Variants in VDAC3 observed in about 807,000 individuals in gnomAD.
VDAC3 encodes the protein voltage dependent anion channel 3, also known as non-selective voltage-gated ion channel VDAC3.
In VDAC3, 7 loss-of-function variants were observed where a neutral mutation model predicts 33.9. The observed-to-expected ratio is 0.21, with a 90% CI of 0.12 to 0.39. The LOEUF (loss-of-function observed/expected upper bound fraction) is 0.39. Ranked by LOEUF, VDAC3 falls within the 10% of genes least tolerant of loss-of-function variation. The pLI is 1.00. For missense variants in VDAC3, 261 were observed against 334.5 expected, an observed-to-expected ratio of 0.78 and a Z score of 1.71; for synonymous variants, 100 against 122.4, an observed-to-expected ratio of 0.82 and a Z score of 1.21.
chr8:42,403,550 C>A, intron 8 of VDAC3, 89 bp downstream of exon 8: 1 of 1,345,714 alleles, frequency 7.4e-7, no homozygotes, highest in South Asian at 1.5e-5. Flanking sequence ...TTTGCTTGTT[C>A]TTTATTAATT....
chr8:42,401,696 TGA>T (rs1393252800), intron 6 of VDAC3, 90 bp from the exon 7 acceptor site: 3 of 1,108,354 alleles, frequency 2.7e-6, no homozygotes, highest in Non-Finnish European at 2.7e-6. Flanking sequence ...CATTGGGAGA[TGA>T]GAGAGAGGAT....
intron 1 of VDAC3, among the ~76,000 whole-genome samples, chr8:42,392,674 TAACAA>T (rs1467940920): frequency 2.6e-5 from 4 of 152,160 alleles, no homozygotes; most frequent in African/African-American, 4.8e-5. Context: ...TTTTGAAAAA[TAACAA>T]AACAAAATGC....
In VDAC3 at chr8:42,398,699, T is replaced by G. The variant is rs751113338; in HGVS notation, c.118-13T>G. 3.1e-6 allele frequency: 5 copies of G among 1,598,538 alleles called. No homozygotes were observed. The South Asian group carries it at 5.7e-5, about 18-fold the overall frequency. On this transcript the variant is annotated splice_polypyrimidine_tract_variant and intron_variant, in intron 4 of 9. Transcript: ENST00000022615. ...AGCTAATTTTAAAGTAATTATTTTTTCTTGCTTACCAGGAATTTTCTACTT... is the reference window on the plus strand; with the variant it reads ...AGCTAATTTTAAAGTAATTATTTTTGCTTGCTTACCAGGAATTTTCTACTT...
At position 42,398,884 on chromosome 8, in the gene VDAC3, G is replaced by A; in HGVS notation, c.270+20G>A. ...AATAAGGTAAGAGAACGCATTAGAA[G>A]TTATTCATAGGTTCAATTTATCTTG... On this transcript the variant is annotated intron_variant, in intron 5 of 9. Coordinates refer to ENST00000022615, the MANE Select transcript of VDAC3 (RefSeq NM_005662.7). 6.2e-7 allele frequency: 1 copy of A among 1,610,726 alleles called. No individual in the cohort carries two copies. Among genetic ancestry groups the A allele is most frequent in the Non-Finnish European group, 8.5e-7 (1 of 1,178,824 alleles).
In VDAC3 at chr8:42,403,331, G is replaced by A; in HGVS notation, c.572G>A (p.Gly191Glu). Reference protein sequence around the residue: ...HTHVNDGTEFGGSIYQKVNEK... With the variant: ...HTHVNDGTEFEGSIYQKVNEK... ...AACAGGAACGATGGCACTGAATTTG[G>A]AGGTTCTATCTACCAGAAGGTGAAT... Residue 191 changes from glycine to glutamate, a missense_variant, in exon 8 of 10, where the codon GGA (glycine) becomes GAA (glutamate). Transcript: ENST00000022615. 1 of 1,614,114 alleles carries A rather than the reference G, an allele frequency of 6.2e-7. No individual in the cohort carries two copies. The highest frequency in any genetic ancestry group is 8.5e-7 in the Non-Finnish European group (1 of 1,180,020).
chr8:42,399,962 T>C (rs1350677744), intron 6 of VDAC3, among the ~76,000 whole-genome samples: 1 of 152,144 alleles, frequency 6.6e-6, no homozygotes, highest in Non-Finnish European at 1.5e-5. Flanking sequence ...AGAAAAAATT[T>C]AGGAGCTAGA....
chr8:42,403,615 C>T (rs1453370452), intron 8 of VDAC3, among the ~76,000 whole-genome samples, 154 bp downstream of exon 8: 6 of 152,244 alleles, frequency 3.9e-5, no homozygotes, highest in Non-Finnish European at 7.3e-5. Context: ...CAGGCTCACG[C>T]CTGTATTCCC....
In VDAC3 at chr8:42,392,324, G is replaced by GA. The variant is rs541174990; in HGVS notation, c.-43+397dup. Among the ~76,000 whole-genome samples, 42 of 152,354 alleles carry GA rather than the reference G, an allele frequency of 2.8e-4. No homozygotes were observed. In the South Asian group the frequency reaches 7.7e-3, roughly 28 times the overall value. ...TGCGTGCAATTCAAAACGGAGAAGC[G>GA]AGGAACGAAAAGGGCTCTGTACTGG... On this transcript the variant is annotated intron_variant, in intron 1 of 9. Coordinates refer to ENST00000022615, the MANE Select transcript of VDAC3 (RefSeq NM_005662.7).
rs1274684245 is a variant in VDAC3 at position 42,405,543 on chromosome 8, T to C, written c.*81T>C. 5 of 1,227,350 alleles carry C rather than the reference T, an allele frequency of 4.1e-6. No homozygotes were observed. The highest frequency in any genetic ancestry group is 5.9e-6 in the Non-Finnish European group (5 of 850,056). 76.0% of individuals were successfully genotyped at this position (1,227,350 alleles called of 1,614,324 possible). On this transcript the variant is annotated 3_prime_UTR_variant, in exon 10 of 10. Coordinates refer to ENST00000022615, the MANE Select transcript of VDAC3 (RefSeq NM_005662.7). Reference sequence around the variant, plus strand: ...CTATGTTTTGGCCTTAAAATTCTTCTGTGAAATTTCAAAAGTGTGAACTTT... The same window carrying C: ...CTATGTTTTGGCCTTAAAATTCTTCCGTGAAATTTCAAAAGTGTGAACTTT...
At chr8:42,396,883 T>C in intron 4 of VDAC3, 3 of 515,840 alleles carry the variant, frequency 5.8e-6, no homozygotes, top group Non-Finnish European at 1.0e-5. Context: ...ATGCATGTTA[T>C]ATGCATGTTA....
intron 6 of VDAC3, among the ~76,000 whole-genome samples, chr8:42,400,291 T>C (rs977714180): frequency 6.7e-6 from 1 of 149,678 alleles, no homozygotes; most frequent in Non-Finnish European, 1.5e-5. Flanking sequence ...TGAGCCGAGA[T>C]GCACTCCAGC....
rs941032779 is a variant in VDAC3, at chr8:42,398,592, G to A, written c.118-120G>A. The A allele has an allele frequency of 4.7e-6, 5 of 1,074,144 alleles. No individual in the cohort carries two copies. In the African/African-American group the frequency reaches 8.0e-5, roughly 17 times the overall value. 66.5% of individuals were successfully genotyped at this position (1,074,144 alleles called of 1,614,324 possible). A position where few individuals can be genotyped will look rare whatever the true frequency, so the allele number is the denominator to read the frequency against. ...AAAGGAGGAAAGAAGTTGCTCTAGAGTAGGGCTGTGGCAAGCAGTAAATGG... is the reference window on the plus strand; with the variant it reads ...AAAGGAGGAAAGAAGTTGCTCTAGAATAGGGCTGTGGCAAGCAGTAAATGG... On this transcript the variant is annotated intron_variant, in intron 4 of 9. Coordinates refer to ENST00000022615, the MANE Select transcript of VDAC3 (RefSeq NM_005662.7).
intron 8 of VDAC3, among the ~76,000 whole-genome samples, chr8:42,404,560 T>C (rs1187763469): frequency 6.6e-6 from 1 of 151,966 alleles, no homozygotes; most frequent in East Asian, 1.9e-4. Flanking sequence ...CCGTCTCTAC[T>C]AAAAATACAA....
rs750784380 is a variant in VDAC3, at chr8:42,401,835, G to C, written c.371G>C (p.Ser124Thr). 8.1e-6 allele frequency: 13 copies of C among 1,614,206 alleles called. No homozygotes were observed. Among genetic ancestry groups the C allele is most frequent in the Non-Finnish European group, 9.3e-6 (11 of 1,180,050 alleles). The change falls in exon 7 of 10, where the codon AGT (serine) becomes ACT (threonine). Residue 124 changes from serine to threonine, a missense_variant. Coordinates refer to ENST00000022615, the MANE Select transcript of VDAC3 (RefSeq NM_005662.7). The part of the protein sequence containing the change: ...LKASYKRDCF[S>T]VGSNVDIDFS... The stretch of plus-strand genomic sequence containing the variant: ...GCCTCCTATAAACGGGATTGTTTTA[G>C]TGTTGGCAGTAATGTTGATATAGAT...
chr8:42,397,960 A>AGTAGT (rs1194795435), intron 4 of VDAC3, among the ~76,000 whole-genome samples: 1 of 139,752 alleles, frequency 7.2e-6, no homozygotes, highest in Admixed American at 6.7e-5. Context: ...AATAAAAAAA[A>AGTAGT]ACATTTTTAA....
rs762787858 is a variant in VDAC3 at position 42,399,701 on chromosome 8, A to G, written c.321A>G (p.Thr107=). 14 of 1,611,840 alleles carry G rather than the reference A, an allele frequency of 8.7e-6. No homozygotes were observed. The highest frequency in any genetic ancestry group is 6.6e-5 in the South Asian group (6 of 90,658). ...TTGATACCATATTTGTACCGAACAC[A>G]GGGTAATTATTCAAATCCCATTTCC... ...LTLDTIFVPN[T]GKKSGKLKAS... is the part of the protein sequence containing the mutation. Residue 107 remains threonine, a splice_region_variant and synonymous_variant, in exon 6 of 10, where the codon ACA becomes ACG. Coordinates refer to ENST00000022615, the MANE Select transcript of VDAC3 (RefSeq NM_005662.7).
At chr8:42,392,963 A>G (rs895776392) in intron 1 of VDAC3, among the ~76,000 whole-genome samples, 2 of 152,254 alleles carry the variant, frequency 1.3e-5, no homozygotes, top group African/African-American at 4.8e-5. Flanking sequence ...CAAGGGATTG[A>G]ATTGTAAAAT....
intron 7 of VDAC3, chr8:42,402,264 C>T: frequency 1.8e-6 from 1 of 547,294 alleles, no homozygotes; most frequent in Non-Finnish European, 3.3e-6. Context: ...TGTAGAAGAA[C>T]CACTGGGATA....
chr8:42,400,541 C>A (rs1435099667), intron 6 of VDAC3, among the ~76,000 whole-genome samples: 1 of 151,996 alleles, frequency 6.6e-6, no homozygotes, highest in Non-Finnish European at 1.5e-5. Context: ...TCCTATCTGC[C>A]TAATGTGGGT....
Sources: allele counts gnomAD v4.1 joint callset (sites outside exome capture counted in the v4.1 genomes callset), GRCh38; gene constraint gnomAD v4.1.1; transcripts MANE v1.5; gene names NCBI Gene and HGNC (gene_info 2026-07-23, HGNC 2026-07-21).